VPS13C: variants seen among roughly 807,000 people sequenced by gnomAD.
The protein encoded by VPS13C is intermembrane lipid transfer protein VPS13C.
A neutral mutation model predicts 456.8 loss-of-function variants in VPS13C; 358 were observed. That is an observed-to-expected ratio of 0.78 (90% CI 0.72 to 0.86). The LOEUF (loss-of-function observed/expected upper bound fraction) is 0.86. Ranked by LOEUF, VPS13C falls within the 40% of genes least tolerant of loss-of-function variation. VPS13C has a pLI of 0.00. For missense variants in VPS13C, 4,818 were observed against 4,385.4 expected (o/e 1.10, Z -2.79); for synonymous variants, 1,578 against 1,486.7 (o/e 1.06, Z -1.41).
intron 16 of VPS13C, among the ~76,000 whole-genome samples, chr15:61,996,483 A>G (rs2046388370): frequency 2.0e-5 from 3 of 152,158 alleles, no homozygotes; most frequent in Admixed American, 2.0e-4. Context: ...AAAACAAATA[A>G]AACTGAAAAT....
chr15:62,011,215 A>T (rs936261142), intron 12 of VPS13C, among the ~76,000 whole-genome samples: 10 of 152,116 alleles, frequency 6.6e-5, no homozygotes, highest in African/African-American at 2.4e-4. Context: ...ATAGTATCAA[A>T]CTATAAAAAC....
chr15:62,014,195 G>C (rs1475421576), intron 9 of VPS13C, among the ~76,000 whole-genome samples: 1 of 150,538 alleles, frequency 6.6e-6, no homozygotes, highest in Non-Finnish European at 1.5e-5. Context: ...ATTCTAATTT[G>C]AGTTCATTCA....
At chr15:61,966,199 C>T in intron 29 of VPS13C, 57 bp from the exon 30 acceptor site, 2 of 1,190,242 alleles carry the variant, frequency 1.7e-6, no homozygotes, top group Non-Finnish European at 2.4e-6. Flanking sequence ...AAATAAATCA[C>T]TTATTTATTA....
Position 61,984,848 on chromosome 15 carries a change from A to C in VPS13C, c.1721+9T>G, listed in dbSNP as rs778763305. The C allele has an allele frequency of 6.2e-7, 1 of 1,611,516 alleles. No individual in the cohort carries two copies. Among genetic ancestry groups the C allele is most frequent in the Non-Finnish European group, 8.5e-7 (1 of 1,179,020 alleles). ...AAGTAAAAATTGAAATAAGTTTTTA[A>C]AAACTTACTTAAGTGCTTGTGCTCC... On this transcript the variant is annotated intron_variant, in intron 19 of 84. Transcript: ENST00000644861.
At chr15:62,020,046 A>G (rs767295311) in intron 9 of VPS13C, among the ~76,000 whole-genome samples, 35 of 151,522 alleles carry the variant, frequency 2.3e-4, no homozygotes, top group Non-Finnish European at 4.0e-4. Flanking sequence ...ACTCATTATA[A>G]AATAATCAAA....
chr15:61,862,576 G>T (rs188252611), intron 82 of VPS13C, among the ~76,000 whole-genome samples: 255 of 152,212 alleles, frequency 1.7e-3, no homozygotes, highest in Non-Finnish European at 2.6e-3. Context: ...ATCTATTGAA[G>T]ACAATATAAA....
Position 61,941,737 on chromosome 15 carries a change from T to TAC in VPS13C, c.5453+24_5453+25dup, listed in dbSNP as rs767707844. The TAC allele has an allele frequency of 9.6e-6, 15 of 1,566,750 alleles. No individual in the cohort carries two copies. The African/African-American group carries it at 2.0e-4, about 21-fold the overall frequency. On this transcript the variant is annotated intron_variant, in intron 46 of 84. Transcript: ENST00000644861. The stretch of plus-strand genomic sequence containing the variant: ...TGAAAATCCTATTTCTAGTAAGCAA[T>TAC]ACACAATTAGATTACATATTTATAC...
chr15:61,902,261 T>C (rs1027121877), intron 66 of VPS13C, among the ~76,000 whole-genome samples: 7 of 138,258 alleles, frequency 5.1e-5, no homozygotes, highest in African/African-American at 1.6e-4. Flanking sequence ...TAAAGTATAA[T>C]AATAAAAGAA....
intron 45 of VPS13C, 74 bp from the exon 46 acceptor site, chr15:61,942,141 C>T: frequency 7.7e-7 from 1 of 1,296,988 alleles, no homozygotes; most frequent in Non-Finnish European, 1.0e-6. Flanking sequence ...AAAGCATTTA[C>T]TTTAAAAACT....
intron 81 of VPS13C, chr15:61,866,150 A>G: frequency 1.0e-6 from 1 of 984,972 alleles, no homozygotes. Context: ...GCAAAGAATG[A>G]AATAGCCTAA....
intron 6 of VPS13C, among the ~76,000 whole-genome samples, chr15:62,025,350 A>C (rs763442327): frequency 2.6e-5 from 4 of 152,128 alleles, no homozygotes; most frequent in Admixed American, 1.3e-4. Context: ...ATGTAACACA[A>C]TCAGGATAGT....
At chr15:61,893,273 T>C (rs1251106282) in intron 66 of VPS13C, among the ~76,000 whole-genome samples, 1 of 152,126 alleles carries the variant, frequency 6.6e-6, no homozygotes, top group African/African-American at 2.4e-5. Context: ...CTGCAATTTG[T>C]CTGGCAACTG....
intron 42 of VPS13C, among the ~76,000 whole-genome samples, chr15:61,947,660 A>T (rs1342167907): frequency 4.6e-5 from 7 of 151,970 alleles, no homozygotes; most frequent in Non-Finnish European, 8.8e-5. Context: ...TTGATTCTGA[A>T]CTCCTTTTCG....
chr15:61,964,364 T>C (rs1404652864), intron 31 of VPS13C, among the ~76,000 whole-genome samples: 2 of 151,932 alleles, frequency 1.3e-5, no homozygotes, highest in Admixed American at 1.3e-4. Flanking sequence ...TTTCCTTATG[T>C]GTAAAATGGA....
chr15:61,932,371 G>T (rs541956436), intron 49 of VPS13C, among the ~76,000 whole-genome samples: 2 of 152,216 alleles, frequency 1.3e-5, no homozygotes, highest in South Asian at 4.2e-4. Flanking sequence ...TCCGATTAAA[G>T]AATGGTAGGG....
At chr15:61,965,565 A>G (rs1469317617) in intron 30 of VPS13C, among the ~76,000 whole-genome samples, 1 of 151,968 alleles carries the variant, frequency 6.6e-6, no homozygotes, top group African/African-American at 2.4e-5. Context: ...TATAAAAACA[A>G]TAAAAGGTTC....
rs1333599214 is a variant in VPS13C at position 61,984,028 on chromosome 15, G to A, written c.1722-16C>T. Reference sequence around the variant, plus strand: ...CGCTTCTACCCTATAATCCAATGAAGAACAAGGAAAGATGCAGACAAGGTC... The same window carrying A: ...CGCTTCTACCCTATAATCCAATGAAAAACAAGGAAAGATGCAGACAAGGTC... On this transcript the variant is annotated splice_polypyrimidine_tract_variant and intron_variant, in intron 19 of 84. Transcript: ENST00000644861. The A allele has an allele frequency of 1.9e-6, 3 of 1,600,076 alleles. No individual in the cohort carries two copies. In the South Asian group the frequency reaches 3.3e-5, roughly 18 times the overall value.
chr15:61,949,296 T>C (rs568631654), intron 42 of VPS13C, 147 bp downstream of exon 42: 2 of 859,410 alleles, frequency 2.3e-6, no homozygotes, highest in South Asian at 1.7e-5. Flanking sequence ...TATAATCCCA[T>C]AGAGATAACA....
intron 82 of VPS13C, among the ~76,000 whole-genome samples, chr15:61,857,979 G>A (rs1034977017): frequency 6.6e-6 from 1 of 152,118 alleles, no homozygotes; most frequent in Non-Finnish European, 1.5e-5. Context: ...GTAAGTGGCA[G>A]TAGTGTCCTA....
Sources: gnomAD v4.1 joint callset for allele counts (sites outside exome capture counted in the v4.1 genomes callset) on GRCh38, gnomAD v4.1.1 for gene constraint, MANE v1.5 for transcripts, NCBI Gene and HGNC (gene_info 2026-07-23, HGNC 2026-07-21) for gene names.